The following RALGPS2 variants were observed in gnomAD, a reference collection of about 807,000 sequenced individuals.
RALGPS2 encodes ras-specific guanine nucleotide-releasing factor RalGPS2.
In RALGPS2, 43 loss-of-function variants were observed where a neutral mutation model predicts 86.8. The ratio of observed to expected loss-of-function variants is 0.50; its 90% CI spans 0.39 to 0.64. The LOEUF (loss-of-function observed/expected upper bound fraction) is 0.64, where lower values mean the gene tolerates loss of function less well. Ranked by LOEUF, RALGPS2 falls within the 30% of genes least tolerant of loss-of-function variation. The pLI, the probability that RALGPS2 is intolerant of heterozygous loss-of-function variation, is 0.00. For missense variants in RALGPS2, 536 were observed against 694.6 expected (o/e 0.77, Z 2.57); for synonymous variants, 243 against 231.3 (o/e 1.05, Z -0.46).
chr1:178,889,775 A>G, intron 14 of RALGPS2, 79 bp downstream of exon 14: 1 of 1,000,762 alleles, frequency 1.0e-6, no homozygotes, highest in Non-Finnish European at 1.5e-6. Context: ...TTTCAGAGAT[A>G]ATATTTACTA....
At chr1:178,858,571 G>A (rs1657745079) in intron 8 of RALGPS2, among the ~76,000 whole-genome samples, 1 of 152,102 alleles carries the variant, frequency 6.6e-6, no homozygotes, top group South Asian at 2.1e-4. Flanking sequence ...TCTCAAAGCA[G>A]GCAACTGGAA....
intron 6 of RALGPS2, among the ~76,000 whole-genome samples, chr1:178,820,968 A>G (rs1394136932): frequency 6.6e-6 from 1 of 152,210 alleles, no homozygotes; most frequent in African/African-American, 2.4e-5. Context: ...ATCAGGCAGT[A>G]TTTAAAAATC....
rs1341261275 is a variant in RALGPS2, at chr1:178,741,904, G to A, written c.-84+16485G>A. On this transcript the variant is annotated intron_variant, in intron 1 of 19. Coordinates refer to ENST00000367635, the MANE Select transcript of RALGPS2 (RefSeq NM_152663.5). ...TGTAATCCCAGCACTTTGGGAGGCC[G>A]AGGCGGGAGGATCATGAGGTCAGGA... 5.9e-5 allele frequency among the ~76,000 whole-genome samples: 9 copies of A among 152,040 alleles called. 1 individual carries two copies. Among genetic ancestry groups the A allele is most frequent in the Non-Finnish European group, 8.8e-5 (6 of 67,996 alleles).
chr1:178,829,296 AG>A (rs1389080724), intron 7 of RALGPS2, among the ~76,000 whole-genome samples: 3 of 152,228 alleles, frequency 2.0e-5, no homozygotes, highest in African/African-American at 7.2e-5. Flanking sequence ...TATGTAGAAC[AG>A]GGGTCCCCAA....
At chr1:178,906,961 C>G in intron 19 of RALGPS2, 94 bp downstream of exon 19, 2 of 1,084,724 alleles carry the variant, frequency 1.8e-6, no homozygotes, top group East Asian at 2.6e-5. Context: ...TCTGAATTAA[C>G]TAGGAGAATG....
At chr1:178,740,923 T>G (rs1473618391) in intron 1 of RALGPS2, among the ~76,000 whole-genome samples, 1 of 152,292 alleles carries the variant, frequency 6.6e-6, no homozygotes, top group African/African-American at 2.4e-5. Flanking sequence ...ATGAGCATCA[T>G]AACAATACTT....
chr1:178,831,630 C>G (rs1656023845), intron 7 of RALGPS2, among the ~76,000 whole-genome samples: 1 of 148,252 alleles, frequency 6.7e-6, no homozygotes, highest in Admixed American at 6.7e-5. Flanking sequence ...CCGCCCCGCC[C>G]CCCCCACCCC....
At chr1:178,767,771 C>T (rs866936895) in intron 1 of RALGPS2, among the ~76,000 whole-genome samples, 3 of 152,150 alleles carry the variant, frequency 2.0e-5, no homozygotes, top group African/African-American at 7.2e-5. Context: ...GGAGGCTGTG[C>T]TTCTCAACAG....
At chr1:178,756,039 T>C (rs539970992) in intron 1 of RALGPS2, among the ~76,000 whole-genome samples, 1 of 152,326 alleles carries the variant, frequency 6.6e-6, no homozygotes, top group Admixed American at 6.5e-5. Context: ...TGTTCAATTG[T>C]TTACATTCCT....
chr1:178,823,741 A>G lies in RALGPS2; in HGVS notation c.480+2037A>G, dbSNP rs537760349. Among the ~76,000 whole-genome samples, 50 of 152,350 alleles carry G rather than the reference A, an allele frequency of 3.3e-4. No homozygotes were observed. In the South Asian group the frequency reaches 6.2e-3, roughly 19 times the overall value. On this transcript the variant is annotated intron_variant, in intron 7 of 19. Coordinates refer to ENST00000367635, the MANE Select transcript of RALGPS2 (RefSeq NM_152663.5). ...GATAATGGAGGTGCTGTTTACTTAT[A>G]TTCAGAGAGGTATAGAGAAGGACCA...
At chr1:178,854,400 T>C (rs528789072) in intron 8 of RALGPS2, among the ~76,000 whole-genome samples, 1 of 152,162 alleles carries the variant, frequency 6.6e-6, no homozygotes, top group East Asian at 1.9e-4. Flanking sequence ...CAAAATATTA[T>C]GTTTCCCTTT....
At chr1:178,845,757 G>A (rs538168202) in intron 8 of RALGPS2, among the ~76,000 whole-genome samples, 1 of 152,224 alleles carries the variant, frequency 6.6e-6, no homozygotes, top group African/African-American at 2.4e-5. Flanking sequence ...ACTGTGCTTG[G>A]TGCTAAATAT....
chr1:178,902,065 A>G, intron 17 of RALGPS2, 41 bp from the exon 18 acceptor site: 3 of 1,479,450 alleles, frequency 2.0e-6, no homozygotes, highest in Non-Finnish European at 2.8e-6. Flanking sequence ...AGAATAAACC[A>G]TAAATTTTCT....
intron 6 of RALGPS2, among the ~76,000 whole-genome samples, chr1:178,819,746 T>A (rs1239805285): frequency 1.3e-5 from 2 of 152,212 alleles, no homozygotes; most frequent in Non-Finnish European, 2.9e-5. Context: ...GGTCAAGGTG[T>A]CTAATTTACC....
rs532995055 is a variant in RALGPS2, at chr1:178,904,320, C to T, written c.1630+2109C>T. ...ATGGGTTGTCTGTTTACTCTGCTGA[C>T]TGTTGCTTTTGCTGTGCAAACGCTC... On this transcript the variant is annotated intron_variant, in intron 18 of 19. Transcript: ENST00000367635. Among the ~76,000 whole-genome samples, 3 of 152,208 alleles carry T rather than the reference C, an allele frequency of 2.0e-5. No homozygotes were observed. The South Asian group carries it at 6.2e-4, about 32-fold the overall frequency.
chr1:178,771,765 A>G (rs571979908), intron 1 of RALGPS2, among the ~76,000 whole-genome samples: 2 of 152,342 alleles, frequency 1.3e-5, no homozygotes, highest in African/African-American at 4.8e-5. Flanking sequence ...TTTATGTTAT[A>G]ATAATGATTA....
chr1:178,863,332 G>C (rs1243171725), intron 8 of RALGPS2, among the ~76,000 whole-genome samples: 1 of 152,166 alleles, frequency 6.6e-6, no homozygotes, highest in African/African-American at 2.4e-5. Context: ...GAGATCAAAT[G>C]GTGAAAAGAC....
intron 19 of RALGPS2, among the ~76,000 whole-genome samples, chr1:178,910,039 T>C (rs1660564189): frequency 6.6e-6 from 1 of 152,142 alleles, no homozygotes; most frequent in African/African-American, 2.4e-5. Flanking sequence ...AATGGAATTG[T>C]GTTCTTGATT....
intron 8 of RALGPS2, among the ~76,000 whole-genome samples, chr1:178,849,296 G>C (rs1383389410): frequency 2.6e-5 from 4 of 152,122 alleles, no homozygotes; most frequent in Non-Finnish European, 5.9e-5. Context: ...CTCCTCTCAA[G>C]AAACTTAGTT....
Sources: gnomAD v4.1 joint callset for allele counts (sites outside exome capture counted in the v4.1 genomes callset) on GRCh38, gnomAD v4.1.1 for gene constraint, MANE v1.5 for transcripts, NCBI Gene and HGNC (gene_info 2026-07-23, HGNC 2026-07-21) for gene names.